TMEM163: variants seen among roughly 807,000 people sequenced by gnomAD.
TMEM163 encodes transmembrane protein 163.
TMEM163 carries 17 observed loss-of-function variants against 29.3 expected under a neutral mutation model. The observed-to-expected ratio is 0.58, with a 90% confidence interval of 0.40 to 0.87. TMEM163 has a LOEUF of 0.87. Ranked by LOEUF, TMEM163 falls within the 40% of genes least tolerant of loss-of-function variation. TMEM163 has a pLI of 0.00. For synonymous variants in TMEM163, 157 were observed against 160.6 expected, an observed-to-expected ratio of 0.98 and a Z score of 0.17; for missense variants, 303 against 381.5, an observed-to-expected ratio of 0.79 and a Z score of 1.71.
Position 134,517,637 on chromosome 2 carries a change from G to GA in TMEM163, c.459-14641dup, listed in dbSNP as rs923055325. 8.6e-5 allele frequency among the ~76,000 whole-genome samples: 13 copies of GA among 151,974 alleles called. No homozygotes were observed. The East Asian group carries it at 1.4e-3, about 16-fold the overall frequency. On this transcript the variant is annotated intron_variant, in intron 4 of 7. Transcript: ENST00000281924. ...CCCAGGAGTTCTTGTCATTAACTTG[G>GA]AAAAAAAATGGAAAATATCTCTAGA...
Position 134,700,561 on chromosome 2 carries a change from C to T in TMEM163, c.322+12639G>A, listed in dbSNP as rs145548426. Among the ~76,000 whole-genome samples, 544 of 152,248 alleles carry T rather than the reference C, an allele frequency of 3.6e-3. 5 individuals are homozygous for T. The highest frequency in any genetic ancestry group is 0.013 in the African/African-American group (527 of 41,544). On this transcript the variant is annotated intron_variant, in intron 2 of 7. Transcript: ENST00000281924. ...GATGGTTCCTCATGTACTTTTGCTT[C>T]CTCTAAAAACCCCACTAAACTAAGA...
At chr2:134,667,358 T>C (rs980726783) in intron 2 of TMEM163, among the ~76,000 whole-genome samples, 2 of 152,214 alleles carry the variant, frequency 1.3e-5, no homozygotes, top group African/African-American at 4.8e-5. Flanking sequence ...AAACTGTGTT[T>C]TCCAAGGGAT....
At chr2:134,475,538 T>A (rs930179377) in intron 5 of TMEM163, among the ~76,000 whole-genome samples, 2 of 151,916 alleles carry the variant, frequency 1.3e-5, no homozygotes, top group Non-Finnish European at 2.9e-5. Flanking sequence ...GAAAGACTAT[T>A]AAGAAAATGA....
chr2:134,500,975 T>C (rs765703406), intron 5 of TMEM163, among the ~76,000 whole-genome samples: 1 of 152,164 alleles, frequency 6.6e-6, no homozygotes, highest in Non-Finnish European at 1.5e-5. Context: ...ACATATTATA[T>C]AGCTAGGAGA....
At chr2:134,634,438 T>A (rs966347389) in intron 2 of TMEM163, among the ~76,000 whole-genome samples, 1 of 152,178 alleles carries the variant, frequency 6.6e-6, no homozygotes, top group Non-Finnish European at 1.5e-5. Context: ...CCTGGTACCA[T>A]GAACAATAAT....
chr2:134,629,831 G>C (rs183923327), intron 2 of TMEM163, among the ~76,000 whole-genome samples: 1 of 152,172 alleles, frequency 6.6e-6, no homozygotes, highest in African/African-American at 2.4e-5. Context: ...AAGGGGGCTG[G>C]CTCCTAGCTG....
chr2:134,599,970 A>G (rs1389422919), intron 2 of TMEM163, among the ~76,000 whole-genome samples: 4 of 152,172 alleles, frequency 2.6e-5, no homozygotes, highest in African/African-American at 9.7e-5. Context: ...AGTCATCAAG[A>G]ACCTCATAAT....
Position 134,499,764 on chromosome 2 carries a change from T to C in TMEM163, c.555+3137A>G, listed in dbSNP as rs940988952. ...CAGTCACAGCTGGACAGAAATCCCA[T>C]GTAAAACGCAGTTCTGCAACTGAGA... On this transcript the variant is annotated intron_variant, in intron 5 of 7. Coordinates refer to ENST00000281924, the MANE Select transcript of TMEM163 (RefSeq NM_030923.5). Among the ~76,000 whole-genome samples the C allele has an allele frequency of 9.9e-5, 15 of 152,282 alleles. 1 individual carries two copies. Among genetic ancestry groups the C allele is most frequent in the Admixed American group, 3.3e-4 (5 of 15,296 alleles).
intron 2 of TMEM163, among the ~76,000 whole-genome samples, chr2:134,599,973 CTCA>C (rs1392657872): frequency 6.6e-6 from 1 of 152,054 alleles, no homozygotes; most frequent in African/African-American, 2.4e-5. Context: ...CATCAAGAAC[CTCA>C]TAATAGAAAG....
At chr2:134,671,664 C>G (rs1355879204) in intron 2 of TMEM163, among the ~76,000 whole-genome samples, 5 of 152,194 alleles carry the variant, frequency 3.3e-5, no homozygotes, top group Admixed American at 3.3e-4. Context: ...CATTCCCCAC[C>G]CCCTGGAAAG....
intron 4 of TMEM163, among the ~76,000 whole-genome samples, chr2:134,541,586 C>T (rs1046677253): frequency 2.0e-5 from 3 of 152,178 alleles, no homozygotes; most frequent in African/African-American, 7.2e-5. Flanking sequence ...CATAAAATTG[C>T]TAAAATAGGC....
At position 134,718,939 on chromosome 2, in the gene TMEM163, G is replaced by T; in HGVS notation, c.-4C>A. The T allele has an allele frequency of 9.6e-7, 1 of 1,043,544 alleles. No homozygotes were observed. Among genetic ancestry groups the T allele is most frequent in the Non-Finnish European group, 1.2e-6 (1 of 869,534 alleles). 64.6% of individuals were successfully genotyped at this position (1,043,544 alleles called of 1,614,324 possible). Reference sequence around the variant, plus strand: ...GGATGCCCGCGGCCGGCTCCATGGCGCGGGGCTGCGGATCCCGGCGGCGGC... The same window carrying T: ...GGATGCCCGCGGCCGGCTCCATGGCTCGGGGCTGCGGATCCCGGCGGCGGC... On this transcript the variant is annotated 5_prime_UTR_variant, in exon 1 of 8. Transcript: ENST00000281924.
intron 4 of TMEM163, among the ~76,000 whole-genome samples, chr2:134,517,679 T>C (rs535086028): frequency 4.2e-4 from 64 of 152,350 alleles, no homozygotes; most frequent in Non-Finnish European, 6.6e-4. Flanking sequence ...TTTCCTCATG[T>C]TGAAAGTTAG....
At chr2:134,482,519 C>T (rs982926316) in intron 5 of TMEM163, among the ~76,000 whole-genome samples, 5 of 152,206 alleles carry the variant, frequency 3.3e-5, no homozygotes, top group Admixed American at 6.5e-5. Flanking sequence ...CATCCTGACA[C>T]TACATGTGTT....
Position 134,706,191 on chromosome 2 carries a change from A to G in TMEM163, c.322+7009T>C, listed in dbSNP as rs566043388. Among the ~76,000 whole-genome samples the G allele has an allele frequency of 6.7e-4, 102 of 152,280 alleles. 1 individual carries two copies. The highest frequency in any genetic ancestry group is 6.8e-3 in the Middle Eastern group (2 of 294). On this transcript the variant is annotated intron_variant, in intron 2 of 7. Coordinates refer to ENST00000281924, the MANE Select transcript of TMEM163 (RefSeq NM_030923.5). ...AGCCTGGATGCTTCAATCGGGGGTTAGGGGGATGCTGGGCAGTGCAGCATG... is the reference window on the plus strand; with the variant it reads ...AGCCTGGATGCTTCAATCGGGGGTTGGGGGGATGCTGGGCAGTGCAGCATG...
At chr2:134,656,926 G>GTATCCC (rs1397525581) in intron 2 of TMEM163, among the ~76,000 whole-genome samples, 1 of 152,164 alleles carries the variant, frequency 6.6e-6, no homozygotes, top group Non-Finnish European at 1.5e-5. Flanking sequence ...AACCAGCCCT[G>GTATCCC]TATCCCAGGA....
At chr2:134,569,604 AATT>A in intron 2 of TMEM163, among the ~76,000 whole-genome samples, 1 of 152,164 alleles carries the variant, frequency 6.6e-6, no homozygotes, top group African/African-American at 2.4e-5. Flanking sequence ...CCTCTAATAT[AATT>A]ATTACCCACC....
chr2:134,506,451 C>T (rs513344), intron 4 of TMEM163, among the ~76,000 whole-genome samples: 30,296 of 152,152 alleles, frequency 0.2, 3,329 homozygotes, highest in South Asian at 0.37. Context: ...GGCCACTCAC[C>T]GGACCCAGGT....
rs564985003 is a variant in TMEM163, at chr2:134,457,624, G to A, written c.809+408C>T. 1.5e-4 allele frequency among the ~76,000 whole-genome samples: 23 copies of A among 152,322 alleles called. No homozygotes were observed. In the South Asian group the frequency reaches 1.9e-3, roughly 12 times the overall value. Reference sequence around the variant, plus strand: ...AGAAGTTCTCTAAGGCTAGGGATGCGGCCTCTGGCCAGCACACTGTTGCAT... The same window carrying A: ...AGAAGTTCTCTAAGGCTAGGGATGCAGCCTCTGGCCAGCACACTGTTGCAT... On this transcript the variant is annotated intron_variant, in intron 7 of 7. Coordinates refer to ENST00000281924, the MANE Select transcript of TMEM163 (RefSeq NM_030923.5).
Sources: gnomAD v4.1 joint callset for allele counts (sites outside exome capture counted in the v4.1 genomes callset) on GRCh38, gnomAD v4.1.1 for gene constraint, MANE v1.5 for transcripts, NCBI Gene and HGNC (gene_info 2026-07-23, HGNC 2026-07-21) for gene names.